CLEC4M: variants seen among roughly 807,000 people sequenced by gnomAD.
CLEC4M encodes the protein C-type lectin domain family 4 member M.
In CLEC4M, 25 loss-of-function variants were observed where a neutral mutation model predicts 39.1. That is an observed-to-expected ratio of 0.64 (90% CI 0.47 to 0.89). The LOEUF is 0.89. CLEC4M is among the 40% of genes least tolerant of loss of function. CLEC4M has a pLI of 0.00. For synonymous variants in CLEC4M, 155 were observed against 177.4 expected (o/e 0.87, Z 1.00); for missense variants, 353 against 431.4 (o/e 0.82, Z 1.61).
rs890416425 is a variant in CLEC4M at position 7,768,600 on chromosome 19, G to A, written c.1050-238G>A. 1.9e-5 allele frequency: 7 copies of A among 378,048 alleles called. No individual in the cohort carries two copies. The Admixed American group carries it at 2.9e-4, about 15-fold the overall frequency. 23.4% of individuals were successfully genotyped at this position (378,048 alleles called of 1,614,324 possible). On this transcript the variant is annotated intron_variant, in intron 6 of 6. Coordinates refer to ENST00000327325, the MANE Select transcript of CLEC4M (RefSeq NM_014257.5). ...CAAAAAAAGAAAAAGAGAAAGAAAA[G>A]AACAAAGGATAAAAAAGAAAATCAC...
Position 7,763,384 on chromosome 19 carries a change from T to A in CLEC4M, c.47-9T>A, listed in dbSNP as rs780786669. The A allele has an allele frequency of 1.2e-6, 2 of 1,613,924 alleles. No individual in the cohort carries two copies. The highest frequency in any genetic ancestry group is 3.3e-5 in the Admixed American group (2 of 59,980). On this transcript the variant is annotated splice_polypyrimidine_tract_variant and intron_variant, in intron 1 of 6. Coordinates refer to ENST00000327325, the MANE Select transcript of CLEC4M (RefSeq NM_014257.5). The stretch of plus-strand genomic sequence containing the variant: ...GGCCCAGGCTCTGAGCTGATGTCTG[T>A]CAATTCAGAAGAAGATCCAACAACC...
At chr19:7,765,542 C>T in intron 3 of CLEC4M, 96 bp from the exon 4 acceptor site, 1 of 1,558,590 alleles carries the variant, frequency 6.4e-7, no homozygotes, top group Non-Finnish European at 8.7e-7. Flanking sequence ...TAACTGAGAC[C>T]TTGGCTCTCA....
Position 7,765,729 on chromosome 19 carries a change from G to C in CLEC4M, c.306G>C (p.Glu102Asp), listed in dbSNP as rs758651553. The C allele has an allele frequency of 6.2e-7, 1 of 1,614,242 alleles. No individual in the cohort carries two copies. Among genetic ancestry groups the C allele is most frequent in the African/African-American group, 1.3e-5 (1 of 75,068 alleles). The change falls in exon 4 of 7, where the codon GAG becomes GAC. Residue 102 changes from glutamate (E) to aspartate (D), a missense_variant. Coordinates refer to ENST00000327325, the MANE Select transcript of CLEC4M (RefSeq NM_014257.5). ...NLTQLKAAVG[E>D]LSEKSKLQEI... The stretch of plus-strand genomic sequence containing the variant: ...CCCAGCTTAAAGCTGCAGTGGGTGA[G>C]CTCTCAGAGAAATCCAAGCTGCAGG...
In CLEC4M at chr19:7,765,685, G is replaced by A. The variant is rs142098305; in HGVS notation, c.262G>A (p.Ala88Thr). ...SLSQEQSEQDAIYQNLTQLKA... is the reference protein window; with the variant it reads ...SLSQEQSEQDTIYQNLTQLKA... Reference sequence around the variant, plus strand: ...AAGTCAGGAACAATCCGAGCAAGACGCAATCTACCAGAACCTGACCCAGCT... The same window carrying A: ...AAGTCAGGAACAATCCGAGCAAGACACAATCTACCAGAACCTGACCCAGCT... Residue 88 changes from alanine (A) to threonine (T), a missense_variant, in exon 4 of 7, where the codon GCA (alanine) becomes ACA (threonine). Coordinates refer to ENST00000327325, the MANE Select transcript of CLEC4M (RefSeq NM_014257.5). 162 of 1,614,234 alleles carry A rather than the reference G, an allele frequency of 1.0e-4. 1 individual carries two copies. In the African/African-American group the frequency reaches 1.6e-3, roughly 16 times the overall value.
At position 7,766,649 on chromosome 19, in the gene CLEC4M, C is replaced by G. The variant is rs759174550; in HGVS notation, c.785-7C>G. The G allele has an allele frequency of 2.6e-5, 42 of 1,614,122 alleles. No individual in the cohort carries two copies. In the Admixed American group the frequency reaches 6.3e-4, roughly 24 times the overall value. On this transcript the variant is annotated splice_polypyrimidine_tract_variant and splice_region_variant and intron_variant, in intron 4 of 6. Transcript: ENST00000327325. ...TGAGCCCAGCCCTGACCAGCCTCCC[C>G]CAACAGAACGCCTGTGCCGCCACTG...
At chr19:7,766,378 G>T (rs2034275815) in intron 4 of CLEC4M, 171 bp downstream of exon 4, 3 of 1,470,198 alleles carry the variant, frequency 2.0e-6, no homozygotes, top group Non-Finnish European at 2.7e-6. Context: ...GCACACAGTA[G>T]ACACTCAGTT....
At chr19:7,763,618 C>G (rs73921564) in intron 2 of CLEC4M, 142 bp downstream of exon 2, 3 of 557,702 alleles carry the variant, frequency 5.4e-6, no homozygotes, top group East Asian at 3.6e-5. Flanking sequence ...CTGAAGAGGA[C>G]GGGGTAGGGA....
chr19:7,765,556 A>G, intron 3 of CLEC4M, 82 bp from the exon 4 acceptor site: 2 of 1,581,702 alleles, frequency 1.3e-6, no homozygotes, highest in Non-Finnish European at 8.6e-7. Context: ...GCTCTCACAA[A>G]TGATGTCTCT....
At position 7,763,286 on chromosome 19, in the gene CLEC4M, C is replaced by A. The variant is rs1314075671; in HGVS notation, c.20C>A (p.Pro7Gln). MSDSKE[P>Q]RVQQLGLLEE... ...GAAAACATGAGTGACTCCAAGGAACCAAGGGTGCAGCAGCTGGGCCTCCTG... is the reference window on the plus strand; with the variant it reads ...GAAAACATGAGTGACTCCAAGGAACAAAGGGTGCAGCAGCTGGGCCTCCTG... Residue 7 changes from proline (P) to glutamine (Q), a missense_variant, in exon 1 of 7, where the codon CCA becomes CAA. Transcript: ENST00000327325. 1 of 1,606,716 alleles carries A rather than the reference C, an allele frequency of 6.2e-7. No homozygotes were observed. The highest frequency in any genetic ancestry group is 8.5e-7 in the Non-Finnish European group (1 of 1,176,496).
chr19:7,765,613 G>A (rs2034223372), intron 3 of CLEC4M, 25 bp from the exon 4 acceptor site: 8 of 1,613,508 alleles, frequency 5.0e-6, no homozygotes, highest in Non-Finnish European at 6.8e-6. Context: ...TTTAATAATT[G>A]CAGTTCCTTT....
Position 7,769,179 on chromosome 19 carries a change from G to A in CLEC4M, c.*191G>A. 3.7e-6 allele frequency: 2 copies of A among 537,916 alleles called. No homozygotes were observed. Among genetic ancestry groups the A allele is most frequent in the South Asian group, 4.4e-5 (2 of 45,416 alleles). The allele number at this position is 537,916 out of a possible 1,614,324, so 33.3% of individuals were successfully genotyped here. A position where few individuals can be genotyped will look rare whatever the true frequency, so the allele number is the denominator to read the frequency against. ...TGCCTCCAAGTTTCCCTGGTGTAGA[G>A]CTTGTGTTCTTGGCCCATCCTTGGA... On this transcript the variant is annotated 3_prime_UTR_variant, in exon 7 of 7. Transcript: ENST00000327325.
chr19:7,763,854 T>C (rs2034127513), intron 2 of CLEC4M, among the ~76,000 whole-genome samples: 2 of 150,724 alleles, frequency 1.3e-5, no homozygotes, highest in South Asian at 4.2e-4. Context: ...AACTGGGGAC[T>C]GGAATCCTGG....
Position 7,766,818 on chromosome 19 carries a change from T to C in CLEC4M, c.936+11T>C. On this transcript the variant is annotated intron_variant, in intron 5 of 6. Transcript: ENST00000327325. ...ACTGCTGAGGAGCAGGTACACGTGG[T>C]GGGGGTCCTCGTCCTGGCCTGGGGC... 5.0e-6 allele frequency: 8 copies of C among 1,614,046 alleles called. No individual in the cohort carries two copies. Among genetic ancestry groups the C allele is most frequent in the Non-Finnish European group, 6.8e-6 (8 of 1,179,980 alleles).
intron 2 of CLEC4M, among the ~76,000 whole-genome samples, chr19:7,764,293 C>T (rs553658950): frequency 5.9e-5 from 9 of 151,974 alleles, no homozygotes; most frequent in South Asian, 4.1e-4. Context: ...ACATGCATTA[C>T]GTCATTTCTT....
chr19:7,765,576 A>C (rs2034220615), intron 3 of CLEC4M, 62 bp from the exon 4 acceptor site: 2 of 1,605,302 alleles, frequency 1.2e-6, no homozygotes, highest in Admixed American at 1.7e-5. Flanking sequence ...TATGGGGCTC[A>C]GTTCAGGGCT....
chr19:7,766,564 G>C, intron 4 of CLEC4M, 92 bp from the exon 5 acceptor site: 1 of 1,584,240 alleles, frequency 6.3e-7, no homozygotes, highest in South Asian at 1.2e-5. Flanking sequence ...AGTCAAGGAA[G>C]GGCCCTGATT....
chr19:7,768,730 C>T (rs2034389068), intron 6 of CLEC4M, 108 bp from the exon 7 acceptor site: 1 of 1,296,098 alleles, frequency 7.7e-7, no homozygotes, highest in East Asian at 2.3e-5. Flanking sequence ...AATGCATGTC[C>T]AGCATACACA....
Position 7,767,549 on chromosome 19 carries a change from C to T in CLEC4M, c.970C>T (p.Arg324Cys), listed in dbSNP as rs752738017. The T allele has an allele frequency of 2.8e-5, 46 of 1,614,058 alleles. No individual in the cohort carries two copies. The highest frequency in any genetic ancestry group is 4.5e-5 in the East Asian group (2 of 44,898). Reference sequence around the variant, plus strand: ...ACAGCTGCAGACTTCCAGGAGTAACCGCTTCTCCTGGATGGGACTTTCAGA... The same window carrying T: ...ACAGCTGCAGACTTCCAGGAGTAACTGCTTCTCCTGGATGGGACTTTCAGA... Reference protein sequence around the residue: ...FLQLQTSRSNRFSWMGLSDLN... With the variant: ...FLQLQTSRSNCFSWMGLSDLN... Residue 324 changes from arginine to cysteine, a missense_variant, in exon 6 of 7, where the codon CGC (arginine) becomes TGC (cysteine). Physicochemically the swap from Arg to Cys is radical, Grantham distance 180. Coordinates refer to ENST00000327325, the MANE Select transcript of CLEC4M (RefSeq NM_014257.5).
In CLEC4M at chr19:7,766,668, G is replaced by A. The variant is rs144617264; in HGVS notation, c.797G>A (p.Arg266His). 20 of 1,614,076 alleles carry A rather than the reference G, an allele frequency of 1.2e-5. No homozygotes were observed. The highest frequency in any genetic ancestry group is 4.5e-5 in the East Asian group (2 of 44,898). ...CCTCCCCCAACAGAACGCCTGTGCCGCCACTGTCCCAAGGACTGGACATTC... is the reference window on the plus strand; with the variant it reads ...CCTCCCCCAACAGAACGCCTGTGCCACCACTGTCCCAAGGACTGGACATTC... Reference protein sequence around the residue: ...DLKTAFERLCRHCPKDWTFFQ... With the variant: ...DLKTAFERLCHHCPKDWTFFQ... Residue 266 changes from arginine (R) to histidine (H), a missense_variant, in exon 5 of 7, where the codon CGC (arginine) becomes CAC (histidine). Arg to His is a conservative substitution (Grantham distance 29). Around this residue, in one of 4 missense-constraint regions of CLEC4M, gnomAD observed 196 missense variants for 211.7 expected, o/e 0.93. Coordinates refer to ENST00000327325, the MANE Select transcript of CLEC4M (RefSeq NM_014257.5).
Sources: gnomAD v4.1 joint callset for allele counts (sites outside exome capture counted in the v4.1 genomes callset) on GRCh38, gnomAD v4.1.1 for gene constraint, gnomAD v4.1.1 regional missense constraint, MANE v1.5 for transcripts, NCBI Gene and HGNC (gene_info 2026-07-23, HGNC 2026-07-21) for gene names.